PRELID2: variants seen among roughly 807,000 people sequenced by gnomAD.
PRELID2 encodes PRELI domain containing 2.
A neutral mutation model predicts 28.4 loss-of-function variants in PRELID2; 25 were observed. The ratio of observed to expected loss-of-function variants is 0.88; its 90% CI spans 0.64 to 1.23. The LOEUF (loss-of-function observed/expected upper bound fraction) is 1.23, where lower values mean the gene tolerates loss of function less well. Among genes scored for constraint, PRELID2 ranks in the 50% most tolerant of loss-of-function variants. PRELID2 has a pLI of 0.00. For missense variants in PRELID2, 201 were observed against 214.4 expected, an observed-to-expected ratio of 0.94 and a Z score of 0.39; for synonymous variants, 76 against 71.6, an observed-to-expected ratio of 1.06 and a Z score of -0.31.
At chr5:145,299,017 C>T in the PRELID2 span, among the ~76,000 whole-genome samples, 3 of 151,912 alleles carry the variant, frequency 2.0e-5, no homozygotes, top group African/African-American at 7.2e-5. Context: ...TTTTGCAATA[C>T]TTATATATTT....
At chr5:145,546,824 C>T (rs1192479641) in intron 1 of PRELID2, among the ~76,000 whole-genome samples, 1 of 152,122 alleles carries the variant, frequency 6.6e-6, no homozygotes, top group Non-Finnish European at 1.5e-5. Context: ...AAGATGGACC[C>T]ATTCTCATAC....
intron 1 of PRELID2, among the ~76,000 whole-genome samples, chr5:145,571,454 A>G (rs999881906): frequency 2.0e-5 from 3 of 152,210 alleles, no homozygotes; most frequent in African/African-American, 7.2e-5. Context: ...CACATTCCAG[A>G]CTGATTCTTA....
At chr5:145,456,431 A>C in the PRELID2 span, among the ~76,000 whole-genome samples, 1 of 152,134 alleles carries the variant, frequency 6.6e-6, no homozygotes, top group African/African-American at 2.4e-5. Flanking sequence ...GCACTTACCC[A>C]GCCATTTTTG....
chr5:145,452,672 C>T, the PRELID2 span, among the ~76,000 whole-genome samples: 2 of 152,022 alleles, frequency 1.3e-5, no homozygotes, highest in Admixed American at 1.3e-4. Context: ...TTTAACGGTG[C>T]TATTTCCAGA....
intron 4 of PRELID2, among the ~76,000 whole-genome samples, chr5:145,817,072 T>A (rs1754354570): frequency 6.6e-6 from 1 of 150,914 alleles, no homozygotes; most frequent in African/African-American, 2.4e-5. Flanking sequence ...ATGCCTGTAG[T>A]CCCTGCTTCT....
At chr5:145,551,644 G>A (rs34139271) in intron 1 of PRELID2, among the ~76,000 whole-genome samples, 358 of 152,256 alleles carry the variant, frequency 2.4e-3, no homozygotes, top group Non-Finnish European at 4.2e-3. Flanking sequence ...TTGAAAACAT[G>A]TTACGAGAGA....
chr5:145,728,826 A>G (rs1756252378), intron 1 of PRELID2: 1 of 986,734 alleles, frequency 1.0e-6, no homozygotes, highest in African/African-American at 1.6e-5. Flanking sequence ...CACAAACACC[A>G]TAATGAATAT....
chr5:145,668,043 G>C (rs1754630307), intron 1 of PRELID2, among the ~76,000 whole-genome samples: 1 of 152,114 alleles, frequency 6.6e-6, no homozygotes, highest in African/African-American at 2.4e-5. Context: ...AACCTAACTT[G>C]TGAAAAGTTG....
chr5:145,789,249 C>A (rs1365660120), intron 5 of PRELID2, among the ~76,000 whole-genome samples: 1 of 152,058 alleles, frequency 6.6e-6, no homozygotes, highest in African/African-American at 2.4e-5. Context: ...TTTCAAAATA[C>A]ATTACAAACC....
At chr5:145,832,998 T>A (rs181795598) in intron 1 of PRELID2, among the ~76,000 whole-genome samples, 2 of 113,222 alleles carry the variant, frequency 1.8e-5, no homozygotes, top group African/African-American at 6.3e-5. Context: ...CATTTGCGCA[T>A]CATTTATTTA....
the PRELID2 span, among the ~76,000 whole-genome samples, chr5:145,421,375 G>A: frequency 6.6e-6 from 1 of 150,714 alleles, no homozygotes; most frequent in African/African-American, 2.4e-5. Flanking sequence ...GAATCTTTTT[G>A]GTTGGTAAGC....
intron 1 of PRELID2, among the ~76,000 whole-genome samples, chr5:145,673,013 A>G (rs1024254090): frequency 3.9e-5 from 6 of 152,170 alleles, no homozygotes; most frequent in African/African-American, 1.4e-4. Flanking sequence ...TCTATGAGGG[A>G]TGAATAAGAC....
chr5:145,339,967 T>C, the PRELID2 span, among the ~76,000 whole-genome samples: 2 of 151,994 alleles, frequency 1.3e-5, no homozygotes, highest in African/African-American at 4.8e-5. Context: ...GAGACCAAGG[T>C]GTGGGCTAAC....
intron 1 of PRELID2, among the ~76,000 whole-genome samples, chr5:145,495,258 G>A (rs577632353): frequency 4.6e-5 from 7 of 152,256 alleles, no homozygotes; most frequent in African/African-American, 1.2e-4. Flanking sequence ...TGCCTCTTCC[G>A]GCAGGCTGGA....
chr5:145,422,322 T>G, the PRELID2 span, among the ~76,000 whole-genome samples: 2 of 152,126 alleles, frequency 1.3e-5, no homozygotes, highest in South Asian at 4.2e-4. Context: ...TGTCTAATGT[T>G]GACAGTGGGG....
At chr5:145,687,773 C>G (rs1755064902) in intron 1 of PRELID2, among the ~76,000 whole-genome samples, 1 of 152,100 alleles carries the variant, frequency 6.6e-6, no homozygotes, top group African/African-American at 2.4e-5. Context: ...CCACAAACTA[C>G]CAGTATTTCC....
At chr5:145,499,656 T>A (rs1262675073) in intron 1 of PRELID2, among the ~76,000 whole-genome samples, 1 of 152,144 alleles carries the variant, frequency 6.6e-6, no homozygotes, top group East Asian at 1.9e-4. Flanking sequence ...GAAGCTGTGG[T>A]TACTCTGCCC....
chr5:145,654,373 A>T (rs1046560380), intron 1 of PRELID2, among the ~76,000 whole-genome samples: 6 of 152,266 alleles, frequency 3.9e-5, no homozygotes, highest in Non-Finnish European at 8.8e-5. Flanking sequence ...ATAGAAAAAC[A>T]GGGAATCCTC....
chr5:145,231,677 C>A, the PRELID2 span, among the ~76,000 whole-genome samples: 1 of 152,084 alleles, frequency 6.6e-6, no homozygotes, highest in Non-Finnish European at 1.5e-5. Flanking sequence ...CCACACTTAT[C>A]TGAGCACGTT....
Sources: gnomAD v4.1 joint callset for allele counts (sites outside exome capture counted in the v4.1 genomes callset) on GRCh38, gnomAD v4.1.1 for gene constraint, MANE v1.5 for transcripts, NCBI Gene and HGNC (gene_info 2026-07-23, HGNC 2026-07-21) for gene names.